PTPRN2: variants seen among roughly 807,000 people sequenced by gnomAD.
PTPRN2 encodes the protein receptor-type tyrosine-protein phosphatase N2.
A neutral mutation model predicts 118.8 loss-of-function variants in PTPRN2; 74 were observed. The ratio of observed to expected loss-of-function variants is 0.62; its 90% CI spans 0.52 to 0.76. The LOEUF is 0.76. Among genes scored for constraint, PTPRN2 ranks in the 30% least tolerant of loss-of-function variants. The probability of loss-of-function intolerance (pLI) is 0.00; values close to 1 mark genes in which losing one functional copy is unlikely to be tolerated. For missense variants in PTPRN2, 1,481 were observed against 1,394.4 expected, an observed-to-expected ratio of 1.06 and a Z score of -0.99; for synonymous variants, 641 against 608.0, an observed-to-expected ratio of 1.05 and a Z score of -0.80.
chr7:158,144,657 G>T (rs1010129066), intron 6 of PTPRN2, among the ~76,000 whole-genome samples: 1 of 152,066 alleles, frequency 6.6e-6, no homozygotes, highest in African/African-American at 2.4e-5. Flanking sequence ...GGAAGGAGAA[G>T]GGGGACATCA....
chr7:158,303,240 T>C (rs1167563900), intron 3 of PTPRN2, among the ~76,000 whole-genome samples: 1 of 152,004 alleles, frequency 6.6e-6, no homozygotes, highest in Non-Finnish European at 1.5e-5. Flanking sequence ...GAGAACAACA[T>C]TTTAAAAATC....
Position 157,784,079 on chromosome 7 carries a change from G to A in PTPRN2, c.1789-101142C>T, listed in dbSNP as rs1212614803. ...AGACACTCATGGTGTAAGTGCAGAG[G>A]AGGAGAAGGAAGCTGGGATGGGTGT... On this transcript the variant is annotated intron_variant, in intron 12 of 22. Coordinates refer to ENST00000389418, the MANE Select transcript of PTPRN2 (RefSeq NM_002847.5). This position sits in a 1 kb window ranked among gnomAD's most constrained non-coding sequence, Gnocchi z 4.6. 6.6e-6 allele frequency among the ~76,000 whole-genome samples: 1 copy of A among 152,190 alleles called. No individual in the cohort carries two copies. Among genetic ancestry groups the A allele is most frequent in the Non-Finnish European group, 1.5e-5 (1 of 68,042 alleles).
At position 157,676,832 on chromosome 7, in the gene PTPRN2, C is replaced by T. The variant is rs1796690921; in HGVS notation, c.2001+5893G>A. On this transcript the variant is annotated intron_variant, in intron 13 of 22. Coordinates refer to ENST00000389418, the MANE Select transcript of PTPRN2 (RefSeq NM_002847.5). The surrounding 1 kb of genome is among the most constrained non-coding windows in gnomAD (Gnocchi z 5.6). ...GCCTAGGAACAGGGGCTCGGAAGGACCTGCTGTGCATGCAGGGGTCACCCC... is the reference window on the plus strand; with the variant it reads ...GCCTAGGAACAGGGGCTCGGAAGGATCTGCTGTGCATGCAGGGGTCACCCC... Among the ~76,000 whole-genome samples, 1 of 152,176 alleles carries T rather than the reference C, an allele frequency of 6.6e-6. No homozygotes were observed. Among genetic ancestry groups the T allele is most frequent in the African/African-American group, 2.4e-5 (1 of 41,436 alleles).
chr7:158,446,720 T>G (rs1343975583), intron 2 of PTPRN2, among the ~76,000 whole-genome samples: 1 of 152,230 alleles, frequency 6.6e-6, no homozygotes, highest in Non-Finnish European at 1.5e-5. Flanking sequence ...ATCTGGATTT[T>G]TGGTGAGAAT....
intron 1 of PTPRN2, among the ~76,000 whole-genome samples, chr7:158,577,685 A>G (rs187773032): frequency 2.6e-3 from 391 of 152,370 alleles, no homozygotes; most frequent in African/African-American, 9.0e-3. Flanking sequence ...GTAACCTGAT[A>G]AAACAGACAG....
intron 11 of PTPRN2, among the ~76,000 whole-genome samples, chr7:158,034,228 T>C (rs146901142): frequency 1.3e-3 from 198 of 147,796 alleles, no homozygotes; most frequent in African/African-American, 4.8e-3. Flanking sequence ...GAGACCTCAA[T>C]AGAAACTCTG....
At chr7:158,476,623 T>C (rs1212966583) in intron 2 of PTPRN2, among the ~76,000 whole-genome samples, 3 of 152,090 alleles carry the variant, frequency 2.0e-5, no homozygotes, top group African/African-American at 7.2e-5. Context: ...GGCCTGAGAG[T>C]GTGACCCTGA....
At chr7:158,327,273 G>GCTCACACATGCTCACACATGTACACATT (rs1803686129) in intron 2 of PTPRN2, among the ~76,000 whole-genome samples, 1 of 146,144 alleles carries the variant, frequency 6.8e-6, no homozygotes, top group African/African-American at 2.6e-5. Context: ...GCACACACGT[G>GCTCACACATGCTCACACATGTACACATT]CTCACACATG....
intron 11 of PTPRN2, among the ~76,000 whole-genome samples, chr7:158,014,300 C>A (rs1014650661): frequency 4.0e-5 from 6 of 149,552 alleles, no homozygotes; most frequent in Admixed American, 3.3e-4. Context: ...ATTCATCAAC[C>A]AGCATCCATC....
chr7:158,216,348 T>C (rs1585875344), intron 3 of PTPRN2, among the ~76,000 whole-genome samples: 1 of 152,092 alleles, frequency 6.6e-6, no homozygotes, highest in East Asian at 1.9e-4. Context: ...CAAAATTAAA[T>C]GAGTTTTAAA....
intron 1 of PTPRN2, among the ~76,000 whole-genome samples, chr7:158,554,501 TTC>T (rs143007768): frequency 1.5e-4 from 23 of 151,470 alleles, no homozygotes; most frequent in Admixed American, 6.6e-4. Flanking sequence ...TTTATCTGTG[TTC>T]TCTCTCTCTC....
intron 2 of PTPRN2, among the ~76,000 whole-genome samples, chr7:158,410,787 G>A (rs1355865983): frequency 1.4e-5 from 2 of 141,692 alleles, no homozygotes; most frequent in Admixed American, 1.5e-4. Context: ...CCTGTAGGGA[G>A]AGGAGAAGAC....
At chr7:158,204,764 A>C (rs962324685) in intron 4 of PTPRN2, among the ~76,000 whole-genome samples, 3 of 152,226 alleles carry the variant, frequency 2.0e-5, no homozygotes, top group Non-Finnish European at 4.4e-5. Context: ...GATAATATGG[A>C]ACAATATATT....
Position 157,863,372 on chromosome 7 carries a change from C to T in PTPRN2, c.1788+35301G>A, listed in dbSNP as rs541320169. ...AGTGCAGAGTGGAGACGAGGTCTTC[C>T]CCTCCTTCCCAGCTTGCCTGGGCGG... On this transcript the variant is annotated intron_variant, in intron 12 of 22. Coordinates refer to ENST00000389418, the MANE Select transcript of PTPRN2 (RefSeq NM_002847.5). 3.3e-5 allele frequency: 5 copies of T among 152,340 alleles called. No homozygotes were observed. In the South Asian group the frequency reaches 1.0e-3, roughly 32 times the overall value. The allele number at this position is 152,340 out of a possible 1,614,324, so 9.4% of individuals were successfully genotyped here.
At chr7:158,362,635 G>C (rs1360278997) in intron 2 of PTPRN2, among the ~76,000 whole-genome samples, 3 of 152,188 alleles carry the variant, frequency 2.0e-5, no homozygotes, top group African/African-American at 7.2e-5. Context: ...CAGTTTCTCT[G>C]CTAAAGATAT....
At chr7:157,728,538 T>C (rs1344047422) in intron 12 of PTPRN2, among the ~76,000 whole-genome samples, 2 of 152,182 alleles carry the variant, frequency 1.3e-5, no homozygotes, top group African/African-American at 4.8e-5. Flanking sequence ...AATTGGATTT[T>C]AGAAATACAA....
intron 11 of PTPRN2, among the ~76,000 whole-genome samples, chr7:157,917,949 G>T (rs769338154): frequency 1.5e-4 from 23 of 152,090 alleles, no homozygotes; most frequent in Non-Finnish European, 2.8e-4. Flanking sequence ...AGTGAAATTT[G>T]ACTAAGATTT....
intron 11 of PTPRN2, among the ~76,000 whole-genome samples, chr7:157,922,338 C>T (rs1193487240): frequency 6.6e-6 from 1 of 152,152 alleles, no homozygotes; most frequent in Non-Finnish European, 1.5e-5. Flanking sequence ...ATGGGGCCAG[C>T]ACTGCATCCT....
chr7:158,552,896 T>G (rs1326812150), intron 1 of PTPRN2, among the ~76,000 whole-genome samples: 3 of 152,172 alleles, frequency 2.0e-5, no homozygotes, highest in African/African-American at 7.2e-5. Flanking sequence ...GTCTACACAC[T>G]CAGGCTTAGG....
Sources: allele counts gnomAD v4.1 joint callset (sites outside exome capture counted in the v4.1 genomes callset), GRCh38; gene constraint gnomAD v4.1.1; non-coding constraint Gnocchi (gnomAD v3.1); transcripts MANE v1.5; gene names NCBI Gene and HGNC (gene_info 2026-07-23, HGNC 2026-07-21).